Variants in RNGTT observed in about 807,000 individuals in gnomAD.
RNGTT encodes mRNA-capping enzyme.
RNGTT carries 33 observed loss-of-function variants against 79.3 expected under a neutral mutation model. That is an observed-to-expected ratio of 0.42 (90% CI 0.32 to 0.56). The LOEUF is 0.56. Among genes scored for constraint, RNGTT ranks in the 20% least tolerant of loss-of-function variants. The pLI is 0.17. For missense variants in RNGTT, 497 were observed against 739.1 expected, an observed-to-expected ratio of 0.67 and a Z score of 3.80; for synonymous variants, 222 against 235.9, an observed-to-expected ratio of 0.94 and a Z score of 0.54.
chr6:88,611,532 G>A lies in RNGTT; in HGVS notation c.*1187C>T, dbSNP rs566044394. 5.9e-5 allele frequency: 7 copies of A among 118,682 alleles called. No homozygotes were observed. The highest frequency in any genetic ancestry group is 2.4e-4 in the East Asian group (1 of 4,172). 7.4% of individuals were successfully genotyped at this position (118,682 alleles called of 1,614,324 possible). On this transcript the variant is annotated 3_prime_UTR_variant, in exon 16 of 16. Transcript: ENST00000369485. ...AACAATGGCAGACAATCAATTAGCC[G>A]CCCTTTAAATCCATTATCTATCAGT...
intron 13 of RNGTT, among the ~76,000 whole-genome samples, chr6:88,757,883 G>A (rs752223924): frequency 3.9e-5 from 6 of 152,112 alleles, no homozygotes; most frequent in Non-Finnish European, 8.8e-5. Flanking sequence ...TCCAACCTCA[G>A]ATTCCAAAAA....
intron 1 of RNGTT, among the ~76,000 whole-genome samples, chr6:88,950,533 A>G (rs764692624): frequency 7.2e-5 from 11 of 152,242 alleles, no homozygotes; most frequent in Non-Finnish European, 1.6e-4. Flanking sequence ...TTCATGATTC[A>G]TAGGAGAAAG....
intron 5 of RNGTT, among the ~76,000 whole-genome samples, chr6:88,905,676 G>C (rs867537093): frequency 6.6e-6 from 1 of 152,086 alleles, no homozygotes; most frequent in Non-Finnish European, 1.5e-5. Context: ...AATAACAGAT[G>C]CTCAATAAAG....
intron 14 of RNGTT, among the ~76,000 whole-genome samples, chr6:88,647,703 A>AAAAAAAAAAAAG (rs1284929711): frequency 7.0e-6 from 1 of 143,350 alleles, no homozygotes; most frequent in African/African-American, 2.7e-5. Flanking sequence ...CACCCTGTTA[A>AAAAAAAAAAAAG]AAAAAAAAAA....
chr6:88,743,683 T>A (rs1310496180), intron 13 of RNGTT, among the ~76,000 whole-genome samples: 1 of 152,246 alleles, frequency 6.6e-6, no homozygotes, highest in Non-Finnish European at 1.5e-5. Flanking sequence ...AATATTCTAT[T>A]GTATGTATAT....
chr6:88,787,049 G>T (rs1432854406), intron 12 of RNGTT, among the ~76,000 whole-genome samples: 1 of 152,160 alleles, frequency 6.6e-6, no homozygotes, highest in Non-Finnish European at 1.5e-5. Context: ...CTAGAACTGT[G>T]AGAAATAAAT....
chr6:88,669,506 G>A (rs1774546795), intron 14 of RNGTT, among the ~76,000 whole-genome samples: 1 of 152,222 alleles, frequency 6.6e-6, no homozygotes, highest in African/African-American at 2.4e-5. Flanking sequence ...CCCGTAGGAA[G>A]CTCAATTGCC....
intron 13 of RNGTT, 29 bp from the exon 14 acceptor site, chr6:88,678,448 A>T: frequency 2.2e-6 from 3 of 1,348,954 alleles, no homozygotes; most frequent in Non-Finnish European, 2.9e-6. Context: ...ATTATTTATA[A>T]AATACTCCTT....
chr6:88,904,887 T>C lies in RNGTT; in HGVS notation c.512A>G (p.Lys171Arg). Residue 171 changes from lysine to arginine, a missense_variant, in exon 6 of 16, where the codon AAG (lysine) becomes AGG (arginine). By Grantham distance (26) the Lys-to-Arg change is conservative (BLOSUM62 2). Around this residue, in one of 3 missense-constraint regions of RNGTT, gnomAD observed 440 missense variants for 671.5 expected, o/e 0.66. Transcript: ENST00000369485. Reference protein sequence around the residue: ...PPGIYKGDYLKELFRRYGDIE... With the variant: ...PPGIYKGDYLRELFRRYGDIE... ...GTCACCATACCGACGAAAAAGTTCC[T>C]TCAAATAATCACCCTTGTAGATTCC... 1 of 1,614,128 alleles carries C rather than the reference T, an allele frequency of 6.2e-7. No individual in the cohort carries two copies. Among genetic ancestry groups the C allele is most frequent in the Non-Finnish European group, 8.5e-7 (1 of 1,180,022 alleles).
intron 6 of RNGTT, among the ~76,000 whole-genome samples, chr6:88,903,590 A>G (rs4327659): frequency 0.97 from 148,177 of 152,278 alleles, 72,128 homozygotes; most frequent in East Asian, 1. Flanking sequence ...TTATAGTCTT[A>G]AAATTTAAAA....
intron 4 of RNGTT, among the ~76,000 whole-genome samples, chr6:88,927,027 AG>A: frequency 6.6e-6 from 1 of 152,208 alleles, no homozygotes; most frequent in Non-Finnish European, 1.5e-5. Flanking sequence ...TATCTAAATA[AG>A]GAAAAACATT....
At chr6:88,914,043 C>CA (rs1474596673) in intron 4 of RNGTT, among the ~76,000 whole-genome samples, 3 of 151,736 alleles carry the variant, frequency 2.0e-5, no homozygotes, top group Admixed American at 1.3e-4. Context: ...AACAGCCACA[C>CA]AAAAAAATAA....
At chr6:88,863,524 A>G (rs1562291589) in intron 8 of RNGTT, among the ~76,000 whole-genome samples, 1 of 152,204 alleles carries the variant, frequency 6.6e-6, no homozygotes, top group African/African-American at 2.4e-5. Flanking sequence ...AAGCCTTATC[A>G]AAGTACCGTG....
At chr6:88,753,896 GC>G (rs1777921850) in intron 13 of RNGTT, among the ~76,000 whole-genome samples, 1 of 152,042 alleles carries the variant, frequency 6.6e-6, no homozygotes, top group East Asian at 1.9e-4. Context: ...GGTTAAAAAG[GC>G]CTTGACAAAT....
At chr6:88,798,971 T>A (rs1779691403) in intron 12 of RNGTT, among the ~76,000 whole-genome samples, 1 of 152,088 alleles carries the variant, frequency 6.6e-6, no homozygotes, top group Admixed American at 6.5e-5. Context: ...AATTAGACAA[T>A]GATGAGAACT....
chr6:88,911,397 G>A (rs924958693), intron 4 of RNGTT, among the ~76,000 whole-genome samples: 37 of 152,112 alleles, frequency 2.4e-4, no homozygotes, highest in African/African-American at 8.2e-4. Context: ...GGATCATTAC[G>A]TGATAAAAAG....
intron 14 of RNGTT, among the ~76,000 whole-genome samples, chr6:88,652,147 C>T (rs1403972926): frequency 1.3e-5 from 2 of 152,108 alleles, no homozygotes; most frequent in Non-Finnish European, 2.9e-5. Flanking sequence ...TGGAAATGCT[C>T]TGATCTTGTG....
intron 12 of RNGTT, among the ~76,000 whole-genome samples, chr6:88,785,020 G>A (rs974916983): frequency 1.3e-5 from 2 of 151,974 alleles, no homozygotes; most frequent in African/African-American, 2.4e-5. Flanking sequence ...TCTGAACCAC[G>A]TGATTGTATT....
chr6:88,641,777 C>A (rs1773329835), intron 14 of RNGTT, among the ~76,000 whole-genome samples: 1 of 152,176 alleles, frequency 6.6e-6, no homozygotes, highest in Non-Finnish European at 1.5e-5. Flanking sequence ...AGAAAAGAAA[C>A]CACTGTAAAT....
Sources: gnomAD v4.1 joint callset for allele counts (sites outside exome capture counted in the v4.1 genomes callset) on GRCh38, gnomAD v4.1.1 for gene constraint, gnomAD v4.1.1 regional missense constraint, MANE v1.5 for transcripts, NCBI Gene and HGNC (gene_info 2026-07-23, HGNC 2026-07-21) for gene names.